KCNMA1: variants seen among roughly 807,000 people sequenced by gnomAD.
KCNMA1 encodes Calcium-activated potassium channel subunit alpha-1.
Under a neutral mutation model 140.0 loss-of-function variants are expected in KCNMA1, and 29 were observed. The observed-to-expected ratio is 0.21, with a 90% CI of 0.15 to 0.28. The LOEUF (loss-of-function observed/expected upper bound fraction) is 0.28, where lower values mean the gene tolerates loss of function less well. Among genes scored for constraint, KCNMA1 ranks in the 10% least tolerant of loss-of-function variants. The pLI is 1.00. For synonymous variants in KCNMA1, 612 were observed against 611.9 expected (o/e 1.00, Z 0.00); for missense variants, 880 against 1,602.2 (o/e 0.55, Z 7.70).
chr10:77,381,555 C>G (rs1002489985), intron 2 of KCNMA1, among the ~76,000 whole-genome samples: 8 of 152,116 alleles, frequency 5.3e-5, no homozygotes, highest in Admixed American at 1.3e-4. Context: ...CTGAAATTCT[C>G]TTTCTCTACC....
chr10:77,351,853 C>T (rs1395191882), intron 2 of KCNMA1, among the ~76,000 whole-genome samples: 2 of 152,168 alleles, frequency 1.3e-5, no homozygotes, highest in African/African-American at 2.4e-5. Flanking sequence ...TAAAAGCAAC[C>T]CTGTTCTTCT....
chr10:77,049,046 G>A (rs2095251000), intron 14 of KCNMA1, among the ~76,000 whole-genome samples: 1 of 152,098 alleles, frequency 6.6e-6, no homozygotes, highest in Admixed American at 6.6e-5. Flanking sequence ...TTACAGACGT[G>A]AGCCACCGCG....
intron 20 of KCNMA1, 111 bp from the exon 21 acceptor site, chr10:76,954,035 G>A: frequency 8.4e-7 from 1 of 1,189,844 alleles, no homozygotes; most frequent in Non-Finnish European, 1.2e-6. Context: ...GGAAGTGGTT[G>A]TCACTGAAGG....
At chr10:77,033,060 C>T (rs919314000) in intron 15 of KCNMA1, among the ~76,000 whole-genome samples, 3 of 152,104 alleles carry the variant, frequency 2.0e-5, no homozygotes, top group Non-Finnish European at 2.9e-5. Flanking sequence ...CCCAACCCCA[C>T]CCAAAGCACC....
intron 2 of KCNMA1, among the ~76,000 whole-genome samples, chr10:77,292,557 G>A (rs1172308077): frequency 6.6e-6 from 1 of 152,194 alleles, no homozygotes; most frequent in Non-Finnish European, 1.5e-5. Flanking sequence ...GGGAGAAGTT[G>A]GAACCTGTCC....
intron 2 of KCNMA1, among the ~76,000 whole-genome samples, chr10:77,305,771 T>A (rs181061983): frequency 6.6e-6 from 1 of 152,312 alleles, no homozygotes; most frequent in Admixed American, 6.5e-5. Context: ...TAGAACCACG[T>A]GTCTGACACC....
intron 1 of KCNMA1, among the ~76,000 whole-genome samples, chr10:77,526,350 A>T (rs2055662810): frequency 6.6e-6 from 1 of 152,234 alleles, no homozygotes; most frequent in Non-Finnish European, 1.5e-5. Flanking sequence ...GTGGACCCCC[A>T]ATTTGGAAAG....
intron 19 of KCNMA1, among the ~76,000 whole-genome samples, chr10:76,997,534 G>A (rs2084786543): frequency 6.6e-6 from 1 of 152,160 alleles, no homozygotes; most frequent in South Asian, 2.1e-4. Flanking sequence ...AATCAGTATG[G>A]CCCTACGTTG....
chr10:77,025,345 T>TAA (rs2093351616), intron 16 of KCNMA1: 1 of 841,980 alleles, frequency 1.2e-6, no homozygotes, highest in Non-Finnish European at 1.9e-6. Context: ...TACATATATA[T>TAA]AATCTCTCTC....
intron 5 of KCNMA1, among the ~76,000 whole-genome samples, chr10:77,165,084 T>A (rs921396413): frequency 6.6e-6 from 1 of 151,984 alleles, no homozygotes; most frequent in Non-Finnish European, 1.5e-5. Flanking sequence ...TATTCACTAC[T>A]TTTTTTTGGC....
At chr10:77,287,687 G>A (rs1028140247) in intron 2 of KCNMA1, among the ~76,000 whole-genome samples, 3 of 152,138 alleles carry the variant, frequency 2.0e-5, no homozygotes, top group Non-Finnish European at 4.4e-5. Context: ...GAGGTTTCCT[G>A]GCATGGGATG....
Position 77,009,971 on chromosome 10 carries a change from A to T in KCNMA1, c.2092+1996T>A, listed in dbSNP as rs377322043. Among the ~76,000 whole-genome samples the T allele has an allele frequency of 4.1e-4, 63 of 152,290 alleles. No homozygotes were observed. The South Asian group carries it at 0.012, about 30-fold the overall frequency. ...GAGTAAAGGATTCAGGAGGGCAGGG[A>T]CTTTACCTTGTTGACCACTCCATCC... On this transcript the variant is annotated intron_variant, in intron 18 of 27. Coordinates refer to ENST00000286628, the MANE Select transcript of KCNMA1 (RefSeq NM_001161352.2).
Position 77,110,332 on chromosome 10 carries a change from T to C in KCNMA1, c.972A>G (p.Ser324=), listed in dbSNP as rs1163771429. 1.2e-6 allele frequency: 2 copies of C among 1,613,386 alleles called. No individual in the cohort carries two copies. Among genetic ancestry groups the C allele is most frequent in the Non-Finnish European group, 1.7e-6 (2 of 1,179,444 alleles). ...AAGFIHLVEN[S]GDPWENFQNN... is the part of the protein sequence containing the mutation. ...TTTGGAAATTTTCCCATGGGTCCCC[T>C]GAATTCTCCACCTAAAGCAAATGGG... The change falls in exon 8 of 28, where the codon TCA becomes TCG. Residue 324 remains serine (S), a synonymous_variant. Transcript: ENST00000286628.
chr10:77,432,644 C>A (rs897785772), intron 1 of KCNMA1, among the ~76,000 whole-genome samples: 18 of 152,170 alleles, frequency 1.2e-4, no homozygotes, highest in Non-Finnish European at 2.1e-4. Flanking sequence ...CAGAGCCAGG[C>A]CCAGACAGCA....
chr10:77,307,688 AG>A, intron 2 of KCNMA1, among the ~76,000 whole-genome samples: 1 of 152,232 alleles, frequency 6.6e-6, no homozygotes, highest in Non-Finnish European at 1.5e-5. Flanking sequence ...CTGGGACTAC[AG>A]GCGCGCACCA....
intron 5 of KCNMA1, among the ~76,000 whole-genome samples, chr10:77,122,782 C>T (rs1196203424): frequency 6.6e-6 from 1 of 152,152 alleles, no homozygotes; most frequent in East Asian, 1.9e-4. Flanking sequence ...AAGCATCTGG[C>T]TTTTCATTTT....
At chr10:77,150,790 A>ATTCTAAGTAGG (rs2154053796) in intron 5 of KCNMA1, among the ~76,000 whole-genome samples, 1 of 152,332 alleles carries the variant, frequency 6.6e-6, no homozygotes, top group Non-Finnish European at 1.5e-5. Context: ...GTTTCTGGTG[A>ATTCTAAGTAGG]TTCTAAGTAG....
intron 2 of KCNMA1, among the ~76,000 whole-genome samples, chr10:77,262,690 C>T (rs2062354070): frequency 6.6e-6 from 1 of 151,952 alleles, no homozygotes; most frequent in African/African-American, 2.4e-5. Flanking sequence ...TCTTTCTTGT[C>T]CCCTTGCTCC....
chr10:77,177,074 T>C (rs1277676945), intron 5 of KCNMA1, among the ~76,000 whole-genome samples: 1 of 152,070 alleles, frequency 6.6e-6, no homozygotes, highest in Non-Finnish European at 1.5e-5. Flanking sequence ...GGGGTGTAGG[T>C]GGCCTCTAGA....
Sources: allele counts gnomAD v4.1 joint callset (sites outside exome capture counted in the v4.1 genomes callset), GRCh38; gene constraint gnomAD v4.1.1; transcripts MANE v1.5; gene names NCBI Gene and HGNC (gene_info 2026-07-23, HGNC 2026-07-21).